SAA2: variants seen among roughly 807,000 people sequenced by gnomAD.
SAA2 encodes the protein serum amyloid A-2 protein.
SAA2 carries 5 observed loss-of-function variants against 9.1 expected under a neutral mutation model. The ratio of observed to expected loss-of-function variants is 0.55; its 90% confidence interval spans 0.29 to 1.16. SAA2 has a LOEUF of 1.16. Ranked by LOEUF, SAA2 falls within the 50% of genes most tolerant of loss-of-function variation. The pLI is 0.09. For synonymous variants in SAA2, 49 were observed against 59.8 expected (o/e 0.82, Z 0.83); for missense variants, 94 against 153.8 (o/e 0.61, Z 2.06).
intron 3 of SAA2, 115 bp downstream of exon 3, chr11:18,245,795 G>C: frequency 1.4e-6 from 2 of 1,430,802 alleles, no homozygotes; most frequent in East Asian, 5.1e-5. Flanking sequence ...GAGAGGGCAA[G>C]AAGAGGAGGG....
chr11:18,245,593 C>T lies in SAA2; in HGVS notation c.231-78G>A, dbSNP rs571064043. The T allele has an allele frequency of 4.4e-5, 69 of 1,564,028 alleles. No homozygotes were observed. The African/African-American group carries it at 8.0e-4, about 18-fold the overall frequency. On this transcript the variant is annotated intron_variant, in intron 3 of 3. Coordinates refer to ENST00000256733, the MANE Select transcript of SAA2 (RefSeq NM_030754.5). ...GCTCACCCTCCCATTCTCCCCGTTC[C>T]AAGGGAGGGCTCAGAGAGGAGCCCA...
downstream of SAA2, chr11:18,242,839 G>A: frequency 1.4e-6 from 1 of 701,274 alleles, no homozygotes; most frequent in Non-Finnish European, 2.6e-6. Flanking sequence ...AGAGGGAGAT[G>A]CTGTCTCAAA....
intron 3 of SAA2, 23 bp from the exon 4 acceptor site, chr11:18,245,538 G>A (rs1857482559): frequency 6.2e-7 from 1 of 1,613,392 alleles, no homozygotes; most frequent in Non-Finnish European, 8.5e-7. Flanking sequence ...CAGGCAAGAA[G>A]GAGATTAATC....
chr11:18,247,502 C>T (rs1163811398), intron 2 of SAA2, among the ~76,000 whole-genome samples: 1 of 128,984 alleles, frequency 7.8e-6, no homozygotes, highest in Non-Finnish European at 1.6e-5. Flanking sequence ...TGACAACAAT[C>T]CTCGACTCTC....
downstream of SAA2, among the ~76,000 whole-genome samples, chr11:18,238,574 T>A (rs531523348): frequency 6.6e-6 from 1 of 152,300 alleles, no homozygotes; most frequent in African/African-American, 2.4e-5. Context: ...ACATGAGATA[T>A]TTTGGTACAG....
exon 4 of SAA2, chr11:18,239,498 TTC>T: frequency 2.6e-6 from 1 of 390,020 alleles, no homozygotes; most frequent in Non-Finnish European, 4.5e-6. Context: ...CCATCTCCCA[TTC>T]TCTCTTATCA....
downstream of SAA2, chr11:18,242,651 G>C: frequency 1.6e-6 from 1 of 621,628 alleles, no homozygotes; most frequent in Non-Finnish European, 2.9e-6. Flanking sequence ...TTCAAGACCA[G>C]CCTGGGTGAC....
chr11:18,245,423 C>G lies in SAA2; in HGVS notation c.323G>C (p.Arg108Thr). 6.2e-7 allele frequency: 1 copy of G among 1,614,250 alleles called. No individual in the cohort carries two copies. The highest frequency in any genetic ancestry group is 8.5e-7 in the Non-Finnish European group (1 of 1,180,042). Residue 108 changes from arginine to threonine, a missense_variant, in exon 4 of 4, where the codon AGA (arginine) becomes ACA (threonine). Arg to Thr is a moderately conservative substitution (Grantham distance 71, BLOSUM62 -1). This residue lies in a region of SAA2 where 62 missense variants were observed against 58.3 expected (regional missense o/e 1.06). Transcript: ENST00000256733. ...AGCAGGTCGGAAGTGATTGGGGTCTCTGCCACTCCTGCCCCATTTATTGGC... is the reference window on the plus strand; with the variant it reads ...AGCAGGTCGGAAGTGATTGGGGTCTGTGCCACTCCTGCCCCATTTATTGGC... ...QAANKWGRSG[R>T]DPNHFRPAGL... is the part of the protein sequence containing the mutation.
At chr11:18,242,699 A>G (rs1470439529), downstream of SAA2, 1 of 674,666 alleles carries the variant, frequency 1.5e-6, no homozygotes, top group Admixed American at 2.1e-5. Flanking sequence ...TATAAAAATT[A>G]GGCAAGTGTC....
chr11:18,239,778 A>T lies in SAA2; in HGVS notation c.*170T>A, dbSNP rs139341096. On this transcript the variant is annotated 3_prime_UTR_variant, in exon 4 of 4. Transcript: ENST00000414546. ...TGGAGACACCACACTGAGCCTTCAG[A>T]CCTCTCTTCAGTCTCCATCCACATG... The T allele has an allele frequency of 3.8e-3, 2,792 of 726,340 alleles. 9 individuals are homozygous for T. Among genetic ancestry groups the T allele is most frequent in the Admixed American group, 5.5e-3 (147 of 26,550 alleles). 45.0% of individuals were successfully genotyped at this position (726,340 alleles called of 1,614,324 possible). A position where few individuals can be genotyped will look rare whatever the true frequency, so the allele number is the denominator to read the frequency against.
rs773376603 is a variant in SAA2 at position 18,245,524 on chromosome 11, C to G, written c.231-9G>C. 6.2e-7 allele frequency: 1 copy of G among 1,613,762 alleles called. No homozygotes were observed. The highest frequency in any genetic ancestry group is 1.7e-5 in the Admixed American group (1 of 60,002). ...TATTCTCTCTGGCATTGCTGTAGTC[C>G]AGGCAGGCAAGAAGGAGATTAATCA... On this transcript the variant is annotated splice_polypyrimidine_tract_variant and intron_variant, in intron 3 of 3. Coordinates refer to ENST00000256733, the MANE Select transcript of SAA2 (RefSeq NM_030754.5).
downstream of SAA2, among the ~76,000 whole-genome samples, chr11:18,243,753 T>C (rs1182599967): frequency 6.6e-6 from 1 of 152,242 alleles, no homozygotes; most frequent in Non-Finnish European, 1.5e-5. Context: ...TCTGTAAATA[T>C]AATTTTATAA....
Position 18,246,043 on chromosome 11 carries a change from G to C in SAA2, c.97C>G (p.Arg33Gly), listed in dbSNP as rs762672586. The C allele has an allele frequency of 1.9e-5, 31 of 1,610,324 alleles. No individual in the cohort carries two copies. Among genetic ancestry groups the C allele is most frequent in the Non-Finnish European group, 2.5e-5 (30 of 1,179,274 alleles). The change falls in exon 3 of 4, where the codon CGG becomes GGG. Residue 33 changes from arginine (R) to glycine (G), a missense_variant. By Grantham distance (125) the Arg-to-Gly change is moderately radical (BLOSUM62 -2). Around this residue, in one of 2 missense-constraint regions of SAA2, gnomAD observed 32 missense variants for 95.5 expected, o/e 0.34. Transcript: ENST00000256733. ...TCAGAGTAGGCTCTCCACATGTCCC[G>C]AGCCCCTGGAAAGGAAAGGAAAGGC... is the stretch of plus-strand genomic sequence containing the variant. Reference protein sequence around the residue: ...SFLGEAFDGARDMWRAYSDMR... With the variant: ...SFLGEAFDGAGDMWRAYSDMR...
At chr11:18,240,483 T>C (rs78247471), downstream of SAA2, among the ~76,000 whole-genome samples, 316 of 152,276 alleles carry the variant, frequency 2.1e-3, 3 homozygotes, top group African/African-American at 7.4e-3. Context: ...TTTAGTCACA[T>C]AGCTACTTAT....
rs1000680297 is a variant in SAA2, at chr11:18,240,141, T to C, written c.231-172A>G. The C allele has an allele frequency of 8.3e-6, 7 of 847,916 alleles. No individual in the cohort carries two copies. In the African/African-American group the frequency reaches 1.2e-4, roughly 14 times the overall value. 52.5% of individuals were successfully genotyped at this position (847,916 alleles called of 1,614,324 possible). Reference sequence around the variant, plus strand: ...AATGTACACAAATTTTTTGAAGTCATAAATGATTATTAGGAAGAATGAGTG... The same window carrying C: ...AATGTACACAAATTTTTTGAAGTCACAAATGATTATTAGGAAGAATGAGTG... On this transcript the variant is annotated intron_variant, in intron 3 of 3. Coordinates refer to the SAA2 transcript ENST00000414546.
downstream of SAA2, chr11:18,242,827 A>G (rs1223928140): frequency 1.4e-6 from 1 of 701,708 alleles, no homozygotes; most frequent in Non-Finnish European, 2.6e-6. Flanking sequence ...AGCCTGGATG[A>G]AAGAGGGAGA....
At chr11:18,244,310 C>T (rs562319663), downstream of SAA2, among the ~76,000 whole-genome samples, 41 of 152,298 alleles carry the variant, frequency 2.7e-4, no homozygotes, top group South Asian at 2.5e-3. Context: ...CTATCTCCTG[C>T]CCCCAAGCAG....
chr11:18,242,805 C>T (rs1422690546), downstream of SAA2: 4 of 701,818 alleles, frequency 5.7e-6, no homozygotes, highest in Non-Finnish European at 1.0e-5. Context: ...CATGATCATG[C>T]CATGGCACTT....
chr11:18,245,925 G>T lies in SAA2; in HGVS notation c.215C>A (p.Ala72Asp), dbSNP rs1857509396. The T allele has an allele frequency of 6.2e-7, 1 of 1,614,004 alleles. No individual in the cohort carries two copies. The highest frequency in any genetic ancestry group is 8.5e-7 in the Non-Finnish European group (1 of 1,179,894). The stretch of plus-strand genomic sequence containing the variant: ...CTCCAGTTACCTGATCACTTCTGCA[G>T]CCCAGGCACCCCCAGGTCCCCTTTT... ...AAKRGPGGAW[A>D]AEVISNAREN... Residue 72 changes from alanine to aspartate, a missense_variant, in exon 3 of 4, where the codon GCT (alanine) becomes GAT (aspartate). Around this residue, in one of 2 missense-constraint regions of SAA2, gnomAD observed 32 missense variants for 95.5 expected, o/e 0.34. Coordinates refer to ENST00000256733, the MANE Select transcript of SAA2 (RefSeq NM_030754.5).
Sources: allele counts gnomAD v4.1 joint callset (sites outside exome capture counted in the v4.1 genomes callset), GRCh38; gene constraint gnomAD v4.1.1; regional missense constraint gnomAD v4.1.1; transcripts MANE v1.5; gene names NCBI Gene and HGNC (gene_info 2026-07-23, HGNC 2026-07-21).